Variants in MEGF11 observed in about 807,000 individuals in gnomAD.
The protein encoded by MEGF11 is multiple EGF like domains 11, also known as multiple epidermal growth factor-like domains protein 11.
Under a neutral mutation model 146.6 loss-of-function variants are expected in MEGF11, and 126 were observed. That is an observed-to-expected ratio of 0.86 (90% CI 0.74 to 1.00). The LOEUF is 1.00. MEGF11 is among the 50% of genes least tolerant of loss of function. The pLI is 0.00. For missense variants in MEGF11, 1,509 were observed against 1,521.2 expected, an observed-to-expected ratio of 0.99 and a Z score of 0.13; for synonymous variants, 532 against 583.4, an observed-to-expected ratio of 0.91 and a Z score of 1.27.
In MEGF11 at chr15:65,915,497, C is replaced by T. The variant is rs2078963699; in HGVS notation, c.2446G>A (p.Gly816Ser). The change falls in exon 19 of 26, where the codon GGC becomes AGC. Residue 816 changes from glycine to serine, a missense_variant. By Grantham distance (56) the Gly-to-Ser change is moderately conservative. Coordinates refer to ENST00000395614, the MANE Select transcript of MEGF11 (RefSeq NM_001385028.1). ...HVTGTCYCSPGFKGIRCDQAA... is the reference protein window; with the variant it reads ...HVTGTCYCSPSFKGIRCDQAA... ...TGGTCACACCTGATTCCTTTGAAGC[C>T]AGGGCTGCAGTAACAGGTGCCGGTG... 1.9e-6 allele frequency: 3 copies of T among 1,613,836 alleles called. No individual in the cohort carries two copies. The African/African-American group carries it at 4.0e-5, about 22-fold the overall frequency.
intron 5 of MEGF11, among the ~76,000 whole-genome samples, chr15:66,093,110 G>A (rs1407985644): frequency 6.6e-6 from 1 of 152,186 alleles, no homozygotes; most frequent in Non-Finnish European, 1.5e-5. Context: ...ACAAGTGGAA[G>A]GAGGAGGCCA....
intron 1 of MEGF11, among the ~76,000 whole-genome samples, chr15:66,165,014 C>A (rs2090058672): frequency 6.6e-6 from 1 of 152,228 alleles, no homozygotes; most frequent in Non-Finnish European, 1.5e-5. Flanking sequence ...TCCCGGACAG[C>A]AGATTTCCCT....
rs1169589606 is a variant in MEGF11 at position 66,141,289 on chromosome 15, TGA to T, written c.-8-12880_-8-12879del. On this transcript the variant is annotated intron_variant, in intron 1 of 25. Coordinates refer to ENST00000395614, the MANE Select transcript of MEGF11 (RefSeq NM_001385028.1). ...GTGTGTGTGTGTGTGTGTGTGTGTG[TGA>T]GAGAGAGAGAGAGAGAGACAGGGAT... is the stretch of plus-strand genomic sequence containing the variant. Among the ~76,000 whole-genome samples the T allele has an allele frequency of 1.6e-3, 157 of 101,244 alleles. 1 individual carries two copies. Among genetic ancestry groups the T allele is most frequent in the African/African-American group, 5.6e-3 (137 of 24,672 alleles). 66.4% of individuals were successfully genotyped at this position (101,244 alleles called of 152,430 possible).
At chr15:65,961,089 T>C (rs897511273) in intron 9 of MEGF11, among the ~76,000 whole-genome samples, 2 of 152,188 alleles carry the variant, frequency 1.3e-5, no homozygotes, top group Admixed American at 6.5e-5. Context: ...TGACTGATCA[T>C]GATGGAGAGC....
chr15:66,118,550 TCCTC>T (rs1310925091), intron 4 of MEGF11, among the ~76,000 whole-genome samples: 1 of 151,666 alleles, frequency 6.6e-6, no homozygotes, highest in Non-Finnish European at 1.5e-5. Context: ...TTTTTGGAAA[TCCTC>T]CCAGCTCCCG....
At chr15:66,056,345 CAGG>C (rs1238563262) in intron 5 of MEGF11, among the ~76,000 whole-genome samples, 1 of 152,106 alleles carries the variant, frequency 6.6e-6, no homozygotes, top group African/African-American at 2.4e-5. Context: ...CCTTGTAAAA[CAGG>C]AGATCAAAAT....
intron 4 of MEGF11, among the ~76,000 whole-genome samples, chr15:66,118,561 C>T (rs1233216483): frequency 2.6e-5 from 4 of 152,198 alleles, no homozygotes; most frequent in African/African-American, 9.7e-5. Context: ...CCTCCCAGCT[C>T]CCGGAACCAC....
intron 7 of MEGF11, among the ~76,000 whole-genome samples, chr15:65,978,511 C>T (rs1379108222): frequency 2.6e-5 from 4 of 152,240 alleles, no homozygotes; most frequent in African/African-American, 9.6e-5. Flanking sequence ...GGGAGAAATA[C>T]AATCCCTCCA....
chr15:66,113,696 A>T (rs898864796), intron 4 of MEGF11, among the ~76,000 whole-genome samples: 1 of 152,146 alleles, frequency 6.6e-6, no homozygotes, highest in African/African-American at 2.4e-5. Context: ...GATCGAGACC[A>T]CAGTGAAACC....
At chr15:66,218,294 A>G (rs1334552324) in intron 1 of MEGF11, among the ~76,000 whole-genome samples, 7 of 152,196 alleles carry the variant, frequency 4.6e-5, no homozygotes, top group Non-Finnish European at 1.0e-4. Context: ...GAATTAAGCT[A>G]AAAGCCTGTT....
intron 7 of MEGF11, among the ~76,000 whole-genome samples, chr15:65,974,492 T>C (rs2081390196): frequency 6.6e-6 from 1 of 152,098 alleles, no homozygotes; most frequent in African/African-American, 2.4e-5. Context: ...ACTCCATCTC[T>C]AGTAAAAAAT....
chr15:65,898,953 T>C lies in MEGF11; in HGVS notation c.3056-19A>G. ...ATGTAATCTGCAAGGCAAGAGACAT[T>C]TCTTAGGACAAGCAAGAATACAAGT... is the stretch of plus-strand genomic sequence containing the variant. On this transcript the variant is annotated intron_variant, in intron 24 of 25. Transcript: ENST00000395614. 6.2e-7 allele frequency: 1 copy of C among 1,612,556 alleles called. No homozygotes were observed.
chr15:65,953,805 CG>C (rs1280684570), intron 10 of MEGF11, among the ~76,000 whole-genome samples: 3 of 152,020 alleles, frequency 2.0e-5, no homozygotes, highest in African/African-American at 7.3e-5. Context: ...CCTGTGCTCT[CG>C]GGGGTGGAGA....
intron 1 of MEGF11, among the ~76,000 whole-genome samples, chr15:66,173,712 A>G (rs1294799444): frequency 6.6e-6 from 1 of 152,168 alleles, no homozygotes; most frequent in Non-Finnish European, 1.5e-5. Flanking sequence ...CTCCCCAGGA[A>G]GGAGACCAGT....
intron 5 of MEGF11, among the ~76,000 whole-genome samples, chr15:66,001,931 T>G (rs761757226): frequency 5.5e-4 from 84 of 152,266 alleles, no homozygotes; most frequent in Non-Finnish European, 5.6e-4. Flanking sequence ...GGCTGAGAGC[T>G]CTGCGGTCCT....
chr15:66,125,012 C>T (rs551154951), intron 2 of MEGF11, among the ~76,000 whole-genome samples: 103 of 152,392 alleles, frequency 6.8e-4, no homozygotes, highest in African/African-American at 2.4e-3. Context: ...GCACGTCTGC[C>T]TTGCCTGAGG....
At chr15:66,096,627 CAAG>C (rs777013939) in intron 4 of MEGF11, among the ~76,000 whole-genome samples, 2 of 152,184 alleles carry the variant, frequency 1.3e-5, no homozygotes, top group Non-Finnish European at 2.9e-5. Context: ...GACAGGCCCA[CAAG>C]AAGGTCAGTG....
At chr15:66,018,676 C>CGTGTGCGA (rs1555461910) in intron 5 of MEGF11, among the ~76,000 whole-genome samples, 4 of 151,268 alleles carry the variant, frequency 2.6e-5, no homozygotes, top group African/African-American at 9.7e-5. Flanking sequence ...AGGGTGTCTG[C>CGTGTGCGA]GTGTGCAAGT....
intron 1 of MEGF11, among the ~76,000 whole-genome samples, chr15:66,244,447 G>T (rs762986752): frequency 6.6e-6 from 1 of 152,144 alleles, no homozygotes; most frequent in African/African-American, 2.4e-5. Flanking sequence ...AAGCAGTGGG[G>T]CACAGTGGGA....
Sources: gnomAD v4.1 joint callset for allele counts (sites outside exome capture counted in the v4.1 genomes callset) on GRCh38, gnomAD v4.1.1 for gene constraint, MANE v1.5 for transcripts, NCBI Gene and HGNC (gene_info 2026-07-23, HGNC 2026-07-21) for gene names.